The following ANKS1B variants were observed in gnomAD, a reference collection of about 807,000 sequenced individuals.
ANKS1B encodes the protein ankyrin repeat and sterile alpha motif domain containing 1B, also known as ankyrin repeat and sterile alpha motif domain-containing protein 1B.
ANKS1B carries 36 observed loss-of-function variants against 148.3 expected under a neutral mutation model. The ratio of observed to expected loss-of-function variants is 0.24; its 90% CI spans 0.19 to 0.32. The LOEUF is 0.32. Ranked by LOEUF, ANKS1B falls within the 10% of genes least tolerant of loss-of-function variation. The pLI, the probability that ANKS1B is intolerant of heterozygous loss-of-function variation, is 1.00. For synonymous variants in ANKS1B, 542 were observed against 560.8 expected, an observed-to-expected ratio of 0.97 and a Z score of 0.47; for missense variants, 1,157 against 1,542.6, an observed-to-expected ratio of 0.75 and a Z score of 4.19.
intron 14 of ANKS1B, among the ~76,000 whole-genome samples, chr12:99,203,730 C>A (rs1352007943): frequency 6.6e-6 from 1 of 152,182 alleles, no homozygotes; most frequent in African/African-American, 2.4e-5. Flanking sequence ...GGATTACAGG[C>A]GTGAGCCACT....
chr12:99,250,331 A>T (rs1001622171), intron 12 of ANKS1B, among the ~76,000 whole-genome samples: 1 of 152,208 alleles, frequency 6.6e-6, no homozygotes, highest in Non-Finnish European at 1.5e-5. Context: ...TAAGAAAAGC[A>T]TGCTCTCTGG....
intron 17 of ANKS1B, among the ~76,000 whole-genome samples, chr12:99,014,714 C>T (rs1451541248): frequency 6.6e-6 from 1 of 152,096 alleles, no homozygotes; most frequent in African/African-American, 2.4e-5. Context: ...GGGCAAAGGA[C>T]ATGAACAGAT....
At chr12:99,058,582 T>C (rs2041128550) in intron 16 of ANKS1B, among the ~76,000 whole-genome samples, 2 of 152,076 alleles carry the variant, frequency 1.3e-5, no homozygotes, top group Non-Finnish European at 2.9e-5. Flanking sequence ...CTAAACTAAG[T>C]AATTCTTTAT....
chr12:99,003,993 G>C (rs900592321), intron 17 of ANKS1B, among the ~76,000 whole-genome samples: 2 of 152,190 alleles, frequency 1.3e-5, no homozygotes, highest in East Asian at 1.9e-4. Flanking sequence ...TTCTGGAAAG[G>C]CTTTGAATTC....
intron 10 of ANKS1B, among the ~76,000 whole-genome samples, chr12:99,450,782 T>A (rs10161192): frequency 0.015 from 2,237 of 152,278 alleles, 76 homozygotes; most frequent in African/African-American, 0.051. Flanking sequence ...TGAAGTAAAG[T>A]AGATAAAGCA....
At chr12:99,249,940 A>G (rs530370444) in intron 12 of ANKS1B, among the ~76,000 whole-genome samples, 1 of 152,346 alleles carries the variant, frequency 6.6e-6, no homozygotes, top group East Asian at 1.9e-4. Context: ...AGGTTTTATT[A>G]TATTTTTCAG....
At chr12:99,513,057 A>G (rs887314556) in intron 9 of ANKS1B, among the ~76,000 whole-genome samples, 6 of 151,772 alleles carry the variant, frequency 4.0e-5, no homozygotes, top group African/African-American at 1.2e-4. Context: ...AAAAGTTGAA[A>G]GAAAAAAAAA....
At chr12:99,959,324 G>A (rs1051069685) in intron 1 of ANKS1B, among the ~76,000 whole-genome samples, 9 of 138,160 alleles carry the variant, frequency 6.5e-5, no homozygotes, top group Non-Finnish European at 9.1e-5. Flanking sequence ...TGATCCACCC[G>A]CCTCAGCCTC....
intron 1 of ANKS1B, among the ~76,000 whole-genome samples, chr12:99,914,534 A>C (rs1212626200): frequency 6.6e-6 from 1 of 151,740 alleles, no homozygotes; most frequent in Non-Finnish European, 1.5e-5. Flanking sequence ...AGTCAGAAAA[A>C]CTCCATGTCA....
chr12:99,119,844 A>G (rs1479050165), intron 15 of ANKS1B, among the ~76,000 whole-genome samples: 1 of 152,184 alleles, frequency 6.6e-6, no homozygotes, highest in African/African-American at 2.4e-5. Flanking sequence ...AAAGAAACCA[A>G]TTTGACCACA....
At chr12:99,273,946 A>G (rs181991239) in intron 12 of ANKS1B, among the ~76,000 whole-genome samples, 2 of 152,078 alleles carry the variant, frequency 1.3e-5, no homozygotes, top group African/African-American at 4.8e-5. Context: ...ATGGCCTGAG[A>G]CAATTCTTTG....
intron 8 of ANKS1B, among the ~76,000 whole-genome samples, chr12:99,713,076 G>A (rs984825708): frequency 1.3e-5 from 2 of 152,118 alleles, no homozygotes; most frequent in African/African-American, 4.8e-5. Flanking sequence ...AACTTTGTGG[G>A]TCTCCCACAC....
At chr12:99,032,839 G>A (rs1223402848) in intron 17 of ANKS1B, among the ~76,000 whole-genome samples, 1 of 152,122 alleles carries the variant, frequency 6.6e-6, no homozygotes, top group Admixed American at 6.5e-5. Flanking sequence ...CAGGAAACAC[G>A]TGTTTTATTT....
At chr12:99,597,847 G>A (rs1470625911) in intron 9 of ANKS1B, among the ~76,000 whole-genome samples, 1 of 151,954 alleles carries the variant, frequency 6.6e-6, no homozygotes, top group African/African-American at 2.4e-5. Context: ...TATTAAATAT[G>A]GAATAATTCT....
intron 17 of ANKS1B, among the ~76,000 whole-genome samples, chr12:98,850,650 G>A (rs149090097): frequency 6.3e-4 from 96 of 151,810 alleles, no homozygotes; most frequent in African/African-American, 2.2e-3. Context: ...TGTATTTTTA[G>A]TAGAGGCAGG....
chr12:99,341,405 T>G (rs2089897920), intron 12 of ANKS1B, among the ~76,000 whole-genome samples: 1 of 152,078 alleles, frequency 6.6e-6, no homozygotes, highest in Admixed American at 6.6e-5. Flanking sequence ...CCGACTATTC[T>G]AGAAGAACTG....
At chr12:99,133,771 T>G (rs2066971667) in intron 15 of ANKS1B, among the ~76,000 whole-genome samples, 1 of 152,226 alleles carries the variant, frequency 6.6e-6, no homozygotes, top group African/African-American at 2.4e-5. Flanking sequence ...GTCAAGTTAC[T>G]GCAGAGGCTC....
chr12:99,185,657 C>T (rs764875826), intron 14 of ANKS1B, among the ~76,000 whole-genome samples: 6 of 152,192 alleles, frequency 3.9e-5, no homozygotes, highest in Non-Finnish European at 8.8e-5. Flanking sequence ...GACTCCCTCC[C>T]CTAGCCAAGG....
At chr12:99,372,265 C>T (rs1313610107) in intron 12 of ANKS1B, among the ~76,000 whole-genome samples, 1 of 151,690 alleles carries the variant, frequency 6.6e-6, no homozygotes, top group Non-Finnish European at 1.5e-5. Context: ...ACCTTCCACT[C>T]AATTTTGCTG....
Sources: allele counts gnomAD v4.1 joint callset (sites outside exome capture counted in the v4.1 genomes callset), GRCh38; gene constraint gnomAD v4.1.1; transcripts MANE v1.5; gene names NCBI Gene and HGNC (gene_info 2026-07-23, HGNC 2026-07-21).